The following SLIT3 variants were observed in gnomAD, a reference collection of about 807,000 sequenced individuals.
SLIT3 encodes slit guidance ligand 3.
A neutral mutation model predicts 184.0 loss-of-function variants in SLIT3; 68 were observed. That is an observed-to-expected ratio of 0.37 (90% CI 0.30 to 0.45). The LOEUF (loss-of-function observed/expected upper bound fraction) is 0.45, where lower values mean the gene tolerates loss of function less well. SLIT3 is among the 20% of genes least tolerant of loss of function. The pLI is 1.00. For synonymous variants in SLIT3, 831 were observed against 828.6 expected, an observed-to-expected ratio of 1.00 and a Z score of -0.05; for missense variants, 1,707 against 2,026.0, an observed-to-expected ratio of 0.84 and a Z score of 3.02.
intron 4 of SLIT3, among the ~76,000 whole-genome samples, chr5:168,909,475 C>T (rs978278995): frequency 4.6e-5 from 7 of 152,196 alleles, no homozygotes; most frequent in African/African-American, 1.4e-4. Flanking sequence ...AGTTTAGCAT[C>T]GCCCACAGGA....
chr5:168,754,444 C>T (rs1294873238), intron 16 of SLIT3, among the ~76,000 whole-genome samples: 2 of 152,042 alleles, frequency 1.3e-5, no homozygotes, highest in Non-Finnish European at 2.9e-5. Context: ...AAGTTGATCT[C>T]ATGGAGGGAG....
intron 1 of SLIT3, among the ~76,000 whole-genome samples, chr5:169,261,205 G>A (rs1766162660): frequency 6.6e-6 from 1 of 151,302 alleles, no homozygotes. Flanking sequence ...TAGGGTCGGG[G>A]GAGGCATCCA....
chr5:169,280,813 G>C (rs1033905357), intron 1 of SLIT3, among the ~76,000 whole-genome samples: 1 of 152,058 alleles, frequency 6.6e-6, no homozygotes, highest in Non-Finnish European at 1.5e-5. Context: ...GTGTGACTTT[G>C]GGCAATAGCT....
intron 7 of SLIT3, among the ~76,000 whole-genome samples, chr5:168,818,292 C>A (rs563438817): frequency 6.6e-6 from 1 of 152,302 alleles, no homozygotes; most frequent in South Asian, 2.1e-4. Flanking sequence ...GGATGAATTT[C>A]TTGCCCCTGA....
At chr5:169,267,449 A>G (rs188515162) in intron 1 of SLIT3, among the ~76,000 whole-genome samples, 36 of 152,368 alleles carry the variant, frequency 2.4e-4, no homozygotes, top group African/African-American at 7.7e-4. Context: ...GCACAAATCA[A>G]TATCTGTTGA....
chr5:169,172,810 T>C (rs1026280763), intron 4 of SLIT3, among the ~76,000 whole-genome samples: 2 of 152,180 alleles, frequency 1.3e-5, no homozygotes, highest in Non-Finnish European at 2.9e-5. Flanking sequence ...CGCTCACAAG[T>C]AGCTCATAGC....
chr5:168,791,470 C>T (rs891924), intron 10 of SLIT3: 38,651 of 152,090 alleles, frequency 0.25, 6,143 homozygotes, highest in African/African-American at 0.44. Flanking sequence ...TTGTCTTTTT[C>T]TTTATTATTA....
At chr5:168,698,197 G>C (rs1458723277) in intron 27 of SLIT3, among the ~76,000 whole-genome samples, 1 of 152,206 alleles carries the variant, frequency 6.6e-6, no homozygotes, top group East Asian at 1.9e-4. Flanking sequence ...TGATGACTAA[G>C]ACCTGTTATG....
rs1223342935 is a variant in SLIT3, at chr5:168,753,810, C to G, written c.1829+54G>C. The G allele has an allele frequency of 4.4e-6, 7 of 1,581,372 alleles. No individual in the cohort carries two copies. In the African/African-American group the frequency reaches 6.7e-5, roughly 15 times the overall value. ...CCTTCGTAGTCTGTCTCTAATTCCC[C>G]TGCCCTCCCGTCTCCCTCTGGGTCT... On this transcript the variant is annotated intron_variant, in intron 17 of 35. Coordinates refer to ENST00000519560, the MANE Select transcript of SLIT3 (RefSeq NM_003062.4).
intron 20 of SLIT3, among the ~76,000 whole-genome samples, chr5:168,745,291 C>A (rs533982611): frequency 1.1e-4 from 17 of 152,278 alleles, no homozygotes; most frequent in African/African-American, 4.1e-4. Context: ...AAATTGGTTT[C>A]TTGAAATGGA....
intron 10 of SLIT3, chr5:168,791,118 A>C (rs1316402685): frequency 6.6e-6 from 1 of 152,236 alleles, no homozygotes; most frequent in Non-Finnish European, 1.5e-5. Context: ...TCCTAATCTC[A>C]CTTGCCCTCA....
intron 4 of SLIT3, among the ~76,000 whole-genome samples, chr5:168,942,871 G>A: frequency 6.6e-6 from 1 of 152,150 alleles, no homozygotes; most frequent in East Asian, 1.9e-4. Flanking sequence ...GAGATTTGTG[G>A]AAGTCCAAGC....
chr5:168,897,646 G>GCACGCACACA, intron 4 of SLIT3, among the ~76,000 whole-genome samples: 1 of 105,382 alleles, frequency 9.5e-6, no homozygotes, highest in Non-Finnish European at 2.0e-5. Context: ...ACAGGTGCAC[G>GCACGCACACA]TACACACACA....
intron 4 of SLIT3, among the ~76,000 whole-genome samples, chr5:169,009,342 C>G (rs1756053383): frequency 6.6e-6 from 1 of 152,198 alleles, no homozygotes; most frequent in South Asian, 2.1e-4. Context: ...ACAATCTCTG[C>G]AAGGCTCTCA....
chr5:169,169,043 G>A (rs899521689), intron 4 of SLIT3, among the ~76,000 whole-genome samples: 9 of 152,148 alleles, frequency 5.9e-5, no homozygotes, highest in Admixed American at 1.3e-4. Context: ...AGAGTGGGGG[G>A]GGGATCACCT....
At chr5:168,980,217 C>G (rs1024030496) in intron 4 of SLIT3, among the ~76,000 whole-genome samples, 5 of 152,050 alleles carry the variant, frequency 3.3e-5, no homozygotes, top group Non-Finnish European at 7.3e-5. Context: ...TTCCAGCCCC[C>G]ACGCCCTCTC....
At chr5:168,924,350 C>G (rs374304537) in intron 4 of SLIT3, among the ~76,000 whole-genome samples, 2 of 152,126 alleles carry the variant, frequency 1.3e-5, no homozygotes, top group Non-Finnish European at 2.9e-5. Flanking sequence ...CTCCTTCCTG[C>G]GGGTTGGGAC....
intron 14 of SLIT3, among the ~76,000 whole-genome samples, chr5:168,771,188 C>T (rs1014654787): frequency 3.3e-5 from 5 of 152,038 alleles, no homozygotes; most frequent in Non-Finnish European, 5.9e-5. Context: ...CCAAGGTTGG[C>T]GTGAGTCATG....
At chr5:168,772,757 G>C in intron 14 of SLIT3, 24 bp downstream of exon 14, 2 of 1,613,776 alleles carry the variant, frequency 1.2e-6, no homozygotes, top group South Asian at 2.2e-5. Context: ...CAGAAAGCGG[G>C]GCCCAGCCCC....
Sources: allele counts gnomAD v4.1 joint callset (sites outside exome capture counted in the v4.1 genomes callset), GRCh38; gene constraint gnomAD v4.1.1; transcripts MANE v1.5; gene names NCBI Gene and HGNC (gene_info 2026-07-23, HGNC 2026-07-21).